Variants in TET3 observed in about 807,000 individuals in gnomAD.
The protein encoded by TET3 is tet methylcytosine dioxygenase 3.
Under a neutral mutation model 141.4 loss-of-function variants are expected in TET3, and 19 were observed. The ratio of observed to expected loss-of-function variants is 0.13; its 90% CI spans 0.09 to 0.20. The LOEUF (loss-of-function observed/expected upper bound fraction) is 0.20. Among genes scored for constraint, TET3 ranks in the 10% least tolerant of loss-of-function variants. The pLI is 1.00. For synonymous variants in TET3, 1,043 were observed against 980.9 expected, an observed-to-expected ratio of 1.06 and a Z score of -1.18; for missense variants, 1,874 against 2,356.9, an observed-to-expected ratio of 0.80 and a Z score of 4.24.
At chr2:74,053,592 T>G (rs920305638) in intron 4 of TET3, among the ~76,000 whole-genome samples, 11 of 152,078 alleles carry the variant, frequency 7.2e-5, no homozygotes, top group African/African-American at 2.7e-4. Context: ...AGAAATATGT[T>G]GTATTTTTAA....
chr2:73,998,547 TTGCTGC>T (rs374158585), intron 2 of TET3: 11 of 152,670 alleles, frequency 7.2e-5, no homozygotes, highest in Admixed American at 7.2e-4. Flanking sequence ...TCTTCTTCTG[TTGCTGC>T]TGCTGCTGCT....
At chr2:74,114,858 A>AAAAAAAAAAAAC in the TET3 span, among the ~76,000 whole-genome samples, 1 of 148,464 alleles carries the variant, frequency 6.7e-6, no homozygotes, top group South Asian at 2.1e-4. Flanking sequence ...TGTCTCAAAA[A>AAAAAAAAAAAAC]AAAAAAAAAA....
chr2:74,086,791 TAAAA>T (rs33942081), intron 6 of TET3, among the ~76,000 whole-genome samples: 1 of 94,044 alleles, frequency 1.1e-5, no homozygotes. Context: ...ACCCTGACTC[TAAAA>T]AAAAAAAAAA....
At chr2:74,128,992 T>TAAAAAAAAAAAAA in the TET3 span, among the ~76,000 whole-genome samples, 64 of 77,920 alleles carry the variant, frequency 8.2e-4, 2 homozygotes, top group African/African-American at 3.7e-3. Context: ...TGTCTCAATT[T>TAAAAAAAAAAAAA]AAAAAAAAAA....
Position 74,073,565 on chromosome 2 carries a change from A to T in TET3, c.2511A>T (p.Lys837Asn). The part of the protein sequence containing the change: ...TCDCVEQIVE[K>N]DEGPYYTHLG... ...TTTCTGCAGAACAAATAGTGGAGAA[A>T]GATGAAGGTCCATATTATACTCACT... The change falls in exon 5 of 12, where the codon AAA becomes AAT. Residue 837 changes from lysine (K) to asparagine (N), a missense_variant. Coordinates refer to ENST00000409262, the MANE Select transcript of TET3 (RefSeq NM_001287491.2). 1 of 1,609,372 alleles carries T rather than the reference A, an allele frequency of 6.2e-7. No homozygotes were observed. The highest frequency in any genetic ancestry group is 8.5e-7 in the Non-Finnish European group (1 of 1,178,362).
chr2:74,030,687 G>A (rs1427657463), intron 3 of TET3, among the ~76,000 whole-genome samples: 1 of 152,202 alleles, frequency 6.6e-6, no homozygotes, highest in East Asian at 1.9e-4. Flanking sequence ...CTGGGAGCTG[G>A]GTGATGGGGG....
intron 2 of TET3, among the ~76,000 whole-genome samples, chr2:73,987,372 G>C (rs537997417): frequency 6.6e-6 from 1 of 152,224 alleles, no homozygotes; most frequent in Non-Finnish European, 1.5e-5. Context: ...GTCAACCCCA[G>C]GGAGGTGTAC....
chr2:74,037,363 G>T (rs758188836), intron 3 of TET3, among the ~76,000 whole-genome samples: 1 of 152,216 alleles, frequency 6.6e-6, no homozygotes, highest in Non-Finnish European at 1.5e-5. Context: ...CCATCCATTT[G>T]GTGGCAAGGA....
At chr2:73,984,168 C>T (rs1683880803), upstream of TET3, among the ~76,000 whole-genome samples, 1 of 152,250 alleles carries the variant, frequency 6.6e-6, no homozygotes, top group Admixed American at 6.5e-5. The surrounding 1 kb of genome is among the most constrained non-coding windows in gnomAD (Gnocchi z 5.6). Context: ...TCCTCAGTTA[C>T]CCTCCGCGAC....
chr2:74,080,680 G>GGC, intron 6 of TET3, 89 bp downstream of exon 6: 3 of 683,426 alleles, frequency 4.4e-6, no homozygotes, highest in Non-Finnish European at 6.7e-6. Context: ...CTTGCTGCAT[G>GGC]TAGCTGAGCA....
intron 3 of TET3, among the ~76,000 whole-genome samples, chr2:74,017,982 T>TTTA (rs1685823618): frequency 6.7e-6 from 1 of 149,898 alleles, no homozygotes; most frequent in Admixed American, 6.6e-5. Context: ...TTTTTTTTTT[T>TTTA]TTGAGACGGA....
chr2:74,009,982 C>T (rs1685343282), intron 3 of TET3, among the ~76,000 whole-genome samples: 1 of 152,256 alleles, frequency 6.6e-6, no homozygotes, highest in Non-Finnish European at 1.5e-5. Context: ...CCACTTGTCC[C>T]TGAGCCAGGT....
At chr2:74,007,017 C>T (rs755185753) in intron 3 of TET3, among the ~76,000 whole-genome samples, 8 of 152,190 alleles carry the variant, frequency 5.3e-5, no homozygotes, top group Non-Finnish European at 7.3e-5. Flanking sequence ...TCAACATCCA[C>T]CAAGTATTTA....
intron 10 of TET3, among the ~76,000 whole-genome samples, chr2:74,095,680 T>C (rs1182797902): frequency 6.6e-6 from 1 of 152,258 alleles, no homozygotes; most frequent in African/African-American, 2.4e-5. Context: ...AAGCTTTCTA[T>C]GTCAGTGGAC....
At chr2:74,051,298 A>G (rs1687929397) in intron 4 of TET3, among the ~76,000 whole-genome samples, 1 of 152,252 alleles carries the variant, frequency 6.6e-6, no homozygotes, top group Non-Finnish European at 1.5e-5. Context: ...CCAGACCTCC[A>G]GGAACTGGGA....
At chr2:74,065,020 C>G (rs1163711811) in intron 4 of TET3, among the ~76,000 whole-genome samples, 1 of 152,184 alleles carries the variant, frequency 6.6e-6, no homozygotes, top group African/African-American at 2.4e-5. Flanking sequence ...AAACATGCAA[C>G]TCATTTACTG....
chr2:74,033,354 G>A (rs1174665481), intron 3 of TET3, among the ~76,000 whole-genome samples: 2 of 152,060 alleles, frequency 1.3e-5, no homozygotes. Context: ...GTTAAATTGG[G>A]CAATATTTTG....
intron 3 of TET3, among the ~76,000 whole-genome samples, chr2:74,043,134 T>C (rs1190439675): frequency 6.6e-6 from 1 of 152,244 alleles, no homozygotes; most frequent in Admixed American, 6.5e-5. Flanking sequence ...CTCGGGTGTT[T>C]CTTCTTGGTT....
downstream of TET3, among the ~76,000 whole-genome samples, chr2:74,110,482 C>A (rs913251381): frequency 7.9e-5 from 12 of 152,096 alleles, no homozygotes; most frequent in African/African-American, 2.4e-4. Flanking sequence ...GATGGTGCAT[C>A]CATACATACA....
Sources: allele counts gnomAD v4.1 joint callset (sites outside exome capture counted in the v4.1 genomes callset), GRCh38; gene constraint gnomAD v4.1.1; non-coding constraint Gnocchi (gnomAD v3.1); transcripts MANE v1.5; gene names NCBI Gene and HGNC (gene_info 2026-07-23, HGNC 2026-07-21).